Variants in L3MBTL4 observed in about 807,000 individuals in gnomAD.
L3MBTL4 encodes the protein L3MBTL histone methyl-lysine binding protein 4.
Under a neutral mutation model 84.5 loss-of-function variants are expected in L3MBTL4, and 70 were observed. That is an observed-to-expected ratio of 0.83 (90% CI 0.68 to 1.01). The LOEUF is 1.01. L3MBTL4 is among the 50% of genes least tolerant of loss of function. The probability of loss-of-function intolerance (pLI) is 0.00; values close to 1 mark genes in which losing one functional copy is unlikely to be tolerated. For synonymous variants in L3MBTL4, 274 were observed against 259.8 expected (o/e 1.05, Z -0.52); for missense variants, 715 against 754.8 (o/e 0.95, Z 0.62).
At chr18:6,033,023 C>T (rs1437036457) in intron 16 of L3MBTL4, among the ~76,000 whole-genome samples, 1 of 152,096 alleles carries the variant, frequency 6.6e-6, no homozygotes, top group East Asian at 1.9e-4. Context: ...CTGTATGTAT[C>T]GGTTAGATAG....
At chr18:6,317,058 C>T (rs956690218) in intron 1 of L3MBTL4, among the ~76,000 whole-genome samples, 1 of 152,016 alleles carries the variant, frequency 6.6e-6, no homozygotes, top group Admixed American at 6.6e-5. Context: ...AGATAAGCTT[C>T]AAGAGATCTC....
chr18:6,190,775 G>A (rs1433773584), intron 12 of L3MBTL4, among the ~76,000 whole-genome samples: 3 of 152,174 alleles, frequency 2.0e-5, no homozygotes, highest in African/African-American at 7.2e-5. Flanking sequence ...GGGAGTAGGA[G>A]TGTGCCAGGA....
chr18:6,307,780 A>T (rs1157711557), intron 3 of L3MBTL4, among the ~76,000 whole-genome samples: 1 of 152,240 alleles, frequency 6.6e-6, no homozygotes, highest in Non-Finnish European at 1.5e-5. Context: ...AGATCCATTG[A>T]TGTTAAGAGG....
At chr18:6,370,090 T>C (rs905926086) in intron 1 of L3MBTL4, among the ~76,000 whole-genome samples, 1 of 139,686 alleles carries the variant, frequency 7.2e-6, no homozygotes, top group African/African-American at 2.7e-5. Flanking sequence ...GCAGAGATCA[T>C]GCCACTGCAC....
intron 1 of L3MBTL4, among the ~76,000 whole-genome samples, chr18:6,353,005 T>G (rs1260515053): frequency 6.6e-6 from 1 of 152,166 alleles, no homozygotes; most frequent in Non-Finnish European, 1.5e-5. Context: ...AAAATTATAG[T>G]TTTTCAATAA....
intron 14 of L3MBTL4, among the ~76,000 whole-genome samples, chr18:6,097,997 T>A (rs1294752628): frequency 1.3e-5 from 2 of 152,204 alleles, no homozygotes; most frequent in East Asian, 3.9e-4. Flanking sequence ...ATCCCTCCCT[T>A]CCTCTTGAAC....
chr18:5,983,035 C>A (rs1479577163), intron 16 of L3MBTL4, among the ~76,000 whole-genome samples: 1 of 152,148 alleles, frequency 6.6e-6, no homozygotes, highest in Non-Finnish European at 1.5e-5. Context: ...GTCTTTTACT[C>A]CTACCATGGA....
intron 16 of L3MBTL4, among the ~76,000 whole-genome samples, chr18:6,022,124 A>T (rs1033907510): frequency 6.6e-6 from 1 of 152,190 alleles, no homozygotes; most frequent in Non-Finnish European, 1.5e-5. Flanking sequence ...TAGCCTCATG[A>T]TCTTCACTGT....
chr18:6,123,057 G>A (rs568581849), intron 14 of L3MBTL4, among the ~76,000 whole-genome samples: 3 of 152,266 alleles, frequency 2.0e-5, no homozygotes, highest in African/African-American at 4.8e-5. Flanking sequence ...GTAGATAATG[G>A]AAGGGTCATT....
At chr18:6,105,991 G>A (rs1451792233) in intron 14 of L3MBTL4, among the ~76,000 whole-genome samples, 1 of 152,118 alleles carries the variant, frequency 6.6e-6, no homozygotes, top group Non-Finnish European at 1.5e-5. Flanking sequence ...TACTATACAT[G>A]ATACCCTGAA....
At chr18:6,287,964 G>T (rs1317658462) in intron 4 of L3MBTL4, among the ~76,000 whole-genome samples, 1 of 152,188 alleles carries the variant, frequency 6.6e-6, no homozygotes, top group African/African-American at 2.4e-5. Flanking sequence ...GATCACTTGA[G>T]CCCAGAAGGT....
rs1038237278 is a variant in L3MBTL4, at chr18:6,311,656, T to A, written c.-31A>T. ...CCCCCGCACTCCTTGGCAGTGGTTT[T>A]CTGTAAAACAGGGTTACATAAGAAG... On this transcript the variant is annotated splice_region_variant and 5_prime_UTR_variant, in exon 3 of 19. It introduces an in-frame stop codon into an upstream open reading frame of the 5' UTR. Coordinates refer to ENST00000317931, the MANE Select transcript of L3MBTL4 (RefSeq NM_001330559.2). 1 of 1,586,352 alleles carries A rather than the reference T, an allele frequency of 6.3e-7. No homozygotes were observed. The highest frequency in any genetic ancestry group is 2.2e-5 in the East Asian group (1 of 44,716).
At chr18:6,252,885 T>C (rs532922949) in intron 5 of L3MBTL4, among the ~76,000 whole-genome samples, 28 of 152,316 alleles carry the variant, frequency 1.8e-4, no homozygotes, top group African/African-American at 6.3e-4. Flanking sequence ...CCATGTACAG[T>C]GTCTAAGTCA....
intron 16 of L3MBTL4, among the ~76,000 whole-genome samples, chr18:6,044,254 A>G (rs1390156455): frequency 6.6e-6 from 1 of 152,230 alleles, no homozygotes; most frequent in Non-Finnish European, 1.5e-5. Context: ...TGCTAAAAGA[A>G]CATTAATATT....
intron 12 of L3MBTL4, among the ~76,000 whole-genome samples, chr18:6,190,511 C>A (rs960471610): frequency 2.3e-4 from 35 of 152,014 alleles, no homozygotes; most frequent in Non-Finnish European, 7.4e-5. Context: ...ATAATGAGAT[C>A]GATTCAGAAT....
chr18:6,053,738 C>T (rs2056918068), intron 16 of L3MBTL4, among the ~76,000 whole-genome samples: 1 of 152,176 alleles, frequency 6.6e-6, no homozygotes, highest in African/African-American at 2.4e-5. Context: ...ATGACAATTT[C>T]TTGCTATTCC....
chr18:6,136,896 C>T (rs1002247127), intron 14 of L3MBTL4, among the ~76,000 whole-genome samples: 10 of 152,218 alleles, frequency 6.6e-5, no homozygotes, highest in Non-Finnish European at 1.3e-4. Context: ...AGAAATGCAG[C>T]GCCTAGAATT....
chr18:5,962,643 T>G (rs1002618470), intron 17 of L3MBTL4, among the ~76,000 whole-genome samples: 3 of 152,150 alleles, frequency 2.0e-5, no homozygotes, highest in African/African-American at 7.2e-5. Context: ...GTCCAAGCAC[T>G]GGGTAGATAT....
At chr18:5,986,123 C>G (rs2053454110) in intron 16 of L3MBTL4, among the ~76,000 whole-genome samples, 1 of 152,202 alleles carries the variant, frequency 6.6e-6, no homozygotes, top group Non-Finnish European at 1.5e-5. Flanking sequence ...TAAGAAGGTG[C>G]TGAGAGGCCG....
Sources: gnomAD v4.1 joint callset for allele counts (sites outside exome capture counted in the v4.1 genomes callset) on GRCh38, gnomAD v4.1.1 for gene constraint, MANE v1.5 for transcripts, NCBI Gene and HGNC (gene_info 2026-07-23, HGNC 2026-07-21) for gene names.